The following NFU1 variants were observed in gnomAD, a reference collection of about 807,000 sequenced individuals.
NFU1 encodes the protein NFU1 iron-sulfur cluster scaffold homolog, mitochondrial.
Under a neutral mutation model 32.2 loss-of-function variants are expected in NFU1, and 30 were observed. The ratio of observed to expected loss-of-function variants is 0.93; its 90% confidence interval spans 0.70 to 1.26. The LOEUF (loss-of-function observed/expected upper bound fraction) is 1.26. Among genes scored for constraint, NFU1 ranks in the 50% most tolerant of loss-of-function variants. The pLI is 0.00. For synonymous variants in NFU1, 112 were observed against 104.6 expected, an observed-to-expected ratio of 1.07 and a Z score of -0.43; for missense variants, 306 against 306.6, an observed-to-expected ratio of 1.00 and a Z score of 0.02.
At chr2:69,417,093 T>C (rs574004209) in intron 4 of NFU1, among the ~76,000 whole-genome samples, 2 of 151,818 alleles carry the variant, frequency 1.3e-5, no homozygotes, top group Non-Finnish European at 2.9e-5. Flanking sequence ...CTCTACTAAA[T>C]AGGAAAATAT....
intron 5 of NFU1, among the ~76,000 whole-genome samples, chr2:69,411,789 T>C (rs1672888438): frequency 6.6e-6 from 1 of 151,936 alleles, no homozygotes; most frequent in Non-Finnish European, 1.5e-5. Context: ...ACACAGGGTT[T>C]TGCCATATTG....
rs752419061 is a variant in NFU1, at chr2:69,431,892, G to A, written c.166+10C>T. 60 of 1,570,308 alleles carry A rather than the reference G, an allele frequency of 3.8e-5. No individual in the cohort carries two copies. Among genetic ancestry groups the A allele is most frequent in the Admixed American group, 6.7e-5 (4 of 59,952 alleles). ...GAAACACAACTGCTATAAAAGAGGT[G>A]AAATTTTACCTGGGTGATAAAAGGC... On this transcript the variant is annotated intron_variant, in intron 2 of 7. Coordinates refer to ENST00000410022, the MANE Select transcript of NFU1 (RefSeq NM_001002755.4).
chr2:69,423,236 CTGTGTGAG>C (rs1366262446), intron 3 of NFU1, among the ~76,000 whole-genome samples: 2 of 82,760 alleles, frequency 2.4e-5, no homozygotes, highest in African/African-American at 1.1e-4. Flanking sequence ...GATGGGCTCT[CTGTGTGAG>C]TGTGTGTGTG....
chr2:69,412,057 A>T (rs1268928056), intron 5 of NFU1, among the ~76,000 whole-genome samples: 5 of 152,006 alleles, frequency 3.3e-5, no homozygotes, highest in Non-Finnish European at 2.9e-5. Flanking sequence ...ACAAAAAAAA[A>T]TTTTTTGGCG....
intron 1 of NFU1, among the ~76,000 whole-genome samples, chr2:69,432,888 G>A (rs546489733): frequency 2.7e-4 from 41 of 151,968 alleles, no homozygotes; most frequent in Non-Finnish European, 4.4e-4. Context: ...GGTGGCTCAC[G>A]CCTGTAATGC....
intron 4 of NFU1, among the ~76,000 whole-genome samples, chr2:69,417,413 C>G (rs1673091935): frequency 6.7e-6 from 1 of 149,414 alleles, no homozygotes; most frequent in Non-Finnish European, 1.5e-5. Context: ...GAGGCCGAGA[C>G]AGAAGGATTG....
intron 5 of NFU1, among the ~76,000 whole-genome samples, chr2:69,406,743 T>A (rs1672706542): frequency 6.6e-6 from 1 of 152,090 alleles, no homozygotes; most frequent in Admixed American, 6.6e-5. Context: ...AGGCAATTTT[T>A]TTATTTTCTG....
chr2:69,413,242 G>A (rs1402673534), intron 5 of NFU1, among the ~76,000 whole-genome samples: 4 of 147,620 alleles, frequency 2.7e-5, no homozygotes, highest in Non-Finnish European at 5.9e-5. Flanking sequence ...CTGAGATCGC[G>A]CCATTGCACT....
intron 2 of NFU1, among the ~76,000 whole-genome samples, chr2:69,427,979 C>A (rs74946258): frequency 0.012 from 1,790 of 151,700 alleles, 27 homozygotes; most frequent in East Asian, 0.039. Flanking sequence ...ACCAAGATTG[C>A]GCCATTACAG....
intron 7 of NFU1, chr2:69,399,159 G>A (rs1379759942): frequency 3.8e-6 from 1 of 265,108 alleles, no homozygotes; most frequent in African/African-American, 2.4e-5. Context: ...AGTGAGCCGA[G>A]ATAGCGTGTC....
At chr2:69,415,465 C>G (rs1287946876) in intron 4 of NFU1, among the ~76,000 whole-genome samples, 166 bp from the exon 5 acceptor site, 1 of 151,698 alleles carries the variant, frequency 6.6e-6, no homozygotes, top group Non-Finnish European at 1.5e-5. Flanking sequence ...CTGCAACCTC[C>G]GCCTCCTGGG....
At chr2:69,417,923 C>T (rs887434511) in intron 4 of NFU1, among the ~76,000 whole-genome samples, 2 of 150,188 alleles carry the variant, frequency 1.3e-5, no homozygotes, top group African/African-American at 4.9e-5. Context: ...TTTTATATAG[C>T]ATAGGCTATA....
upstream of NFU1, chr2:69,437,664 G>T (rs145353669): frequency 2.0e-5 from 12 of 610,516 alleles, no homozygotes; most frequent in Admixed American, 2.7e-5. Flanking sequence ...ACGCAGCACT[G>T]TGAACGCATG....
intron 3 of NFU1, among the ~76,000 whole-genome samples, chr2:69,421,133 G>T (rs1009431158): frequency 1.3e-5 from 2 of 151,918 alleles, no homozygotes; most frequent in Non-Finnish European, 2.9e-5. Context: ...GAACCCAGGA[G>T]GTGGAGGTTG....
intron 2 of NFU1, 46 bp downstream of exon 2, chr2:69,431,856 C>T: frequency 8.9e-7 from 1 of 1,121,768 alleles, no homozygotes; most frequent in Non-Finnish European, 1.4e-6. Flanking sequence ...AGCACAGTTC[C>T]ATCAGTTTCT....
chr2:69,406,862 G>C (rs1231681784), intron 5 of NFU1, among the ~76,000 whole-genome samples: 2 of 152,128 alleles, frequency 1.3e-5, no homozygotes, highest in African/African-American at 4.8e-5. Flanking sequence ...GAGGGAGCTG[G>C]TGGGAGGTAA....
chr2:69,404,540 CAT>C (rs1574114318), intron 6 of NFU1, among the ~76,000 whole-genome samples: 2 of 149,002 alleles, frequency 1.3e-5, no homozygotes, highest in African/African-American at 4.9e-5. Flanking sequence ...AGCTAATTAA[CAT>C]ATACTAACAT....
chr2:69,397,044 C>T (rs898706376), intron 7 of NFU1, among the ~76,000 whole-genome samples: 3 of 149,652 alleles, frequency 2.0e-5, no homozygotes, highest in African/African-American at 7.4e-5. Flanking sequence ...TAGAGCACTC[C>T]AGCTTGGTGA....
chr2:69,403,828 T>C (rs557745450), intron 6 of NFU1, among the ~76,000 whole-genome samples: 4 of 152,034 alleles, frequency 2.6e-5, no homozygotes, highest in African/African-American at 9.6e-5. Context: ...TATTATAATT[T>C]TAGTTCCAGG....
Sources: gnomAD v4.1 joint callset for allele counts (sites outside exome capture counted in the v4.1 genomes callset) on GRCh38, gnomAD v4.1.1 for gene constraint, MANE v1.5 for transcripts, NCBI Gene and HGNC (gene_info 2026-07-23, HGNC 2026-07-21) for gene names.